The following C10orf90 variants were observed in gnomAD, a reference collection of about 807,000 sequenced individuals.
The protein encoded by C10orf90 is chromosome 10 open reading frame 90, also known as (E2-independent) E3 ubiquitin-conjugating enzyme FATS.
A neutral mutation model predicts 62.5 loss-of-function variants in C10orf90; 56 were observed. That is an observed-to-expected ratio of 0.90 (90% CI 0.72 to 1.12). The LOEUF is 1.12. Among genes scored for constraint, C10orf90 ranks in the 50% most tolerant of loss-of-function variants. The probability of loss-of-function intolerance (pLI) is 0.00; values close to 1 mark genes in which losing one functional copy is unlikely to be tolerated. For missense variants in C10orf90, 970 were observed against 880.4 expected, an observed-to-expected ratio of 1.10 and a Z score of -1.29; for synonymous variants, 386 against 340.4, an observed-to-expected ratio of 1.13 and a Z score of -1.47.
At chr10:126,454,259 A>AGATGTATCCCTATGACTTGCAGG (rs1859392728) in intron 7 of C10orf90, among the ~76,000 whole-genome samples, 2 of 151,510 alleles carry the variant, frequency 1.3e-5, no homozygotes, top group African/African-American at 4.9e-5. Flanking sequence ...TGACTTGCAG[A>AGATGTATCCCTATGACTTGCAGG]AGATGTATCC....
At chr10:126,597,916 T>A (rs1845118189) in intron 2 of C10orf90, among the ~76,000 whole-genome samples, 1 of 152,136 alleles carries the variant, frequency 6.6e-6, no homozygotes, top group Non-Finnish European at 1.5e-5. Flanking sequence ...GACAAGAGAC[T>A]CCCCTACCCA....
In C10orf90 at chr10:126,504,930, G is replaced by A; in HGVS notation, c.561C>T (p.Asn187=). Residue 187 remains asparagine, a synonymous_variant, in exon 4 of 10, where the codon AAC becomes AAT. Coordinates refer to ENST00000488181, the MANE Select transcript of C10orf90 (RefSeq NM_001350921.2). The surrounding 1 kb of genome is among the most constrained non-coding windows in gnomAD (Gnocchi z 4.1). ...RAHHAKQSLA[N]RSGVNIHRAF... ...CTCTGTGAATGTTGACTCCGCTGCG[G>A]TTAGCCAGAGATTGCTTGGCGTGAT... The A allele has an allele frequency of 6.2e-7, 1 of 1,614,250 alleles. No homozygotes were observed. Among genetic ancestry groups the A allele is most frequent in the South Asian group, 1.1e-5 (1 of 91,088 alleles).
chr10:126,604,132 T>C (rs1407260002), intron 2 of C10orf90, among the ~76,000 whole-genome samples: 2 of 152,140 alleles, frequency 1.3e-5, no homozygotes, highest in African/African-American at 4.8e-5. Context: ...ACAGGATGAT[T>C]CCCGCATCAA....
intron 2 of C10orf90, among the ~76,000 whole-genome samples, chr10:126,599,361 A>C (rs1845150554): frequency 7.0e-6 from 1 of 142,912 alleles, no homozygotes; most frequent in East Asian, 2.1e-4. Flanking sequence ...AATTTTTTGT[A>C]TTTTTTTTTT....
intron 4 of C10orf90, among the ~76,000 whole-genome samples, chr10:126,497,742 T>A (rs1293788219): frequency 1.3e-5 from 2 of 152,204 alleles, no homozygotes; most frequent in Non-Finnish European, 1.5e-5. Context: ...CTATAAGGTC[T>A]CTGTCCCAAC....
At chr10:126,648,828 T>A (rs979010406) in intron 1 of C10orf90, among the ~76,000 whole-genome samples, 1 of 152,168 alleles carries the variant, frequency 6.6e-6, no homozygotes, top group South Asian at 2.1e-4. Flanking sequence ...TTAAGAAAGA[T>A]TGTTATGCAT....
At chr10:126,571,934 A>G (rs1438808456) in intron 2 of C10orf90, among the ~76,000 whole-genome samples, 1 of 152,166 alleles carries the variant, frequency 6.6e-6, no homozygotes. Context: ...GTCCTCTCAG[A>G]GGAAGTCCCT....
intron 4 of C10orf90, among the ~76,000 whole-genome samples, chr10:126,491,012 C>T (rs72831231): frequency 6.3e-4 from 96 of 152,174 alleles, no homozygotes; most frequent in South Asian, 1.7e-3. Flanking sequence ...GATATATCTC[C>T]GTAAGTAAGC....
At chr10:126,508,874 C>T (rs554974166) in intron 3 of C10orf90, among the ~76,000 whole-genome samples, 6 of 152,266 alleles carry the variant, frequency 3.9e-5, no homozygotes, top group South Asian at 2.1e-4. Flanking sequence ...TTGGCATCAA[C>T]GAGGGGTGTG....
chr10:126,471,082 A>G (rs1590964345), intron 4 of C10orf90, among the ~76,000 whole-genome samples: 1 of 152,296 alleles, frequency 6.6e-6, no homozygotes, highest in Admixed American at 6.5e-5. Flanking sequence ...GAGGAGGCGG[A>G]TAGCAAATGG....
chr10:126,506,408 T>C (rs894513667), intron 3 of C10orf90, among the ~76,000 whole-genome samples: 2 of 152,268 alleles, frequency 1.3e-5, no homozygotes, highest in Non-Finnish European at 2.9e-5. Context: ...AATCCTTGCA[T>C]AGAGCTGCAC....
intron 2 of C10orf90, among the ~76,000 whole-genome samples, chr10:126,515,001 T>C (rs1304893454): frequency 6.6e-6 from 1 of 152,216 alleles, no homozygotes; most frequent in Non-Finnish European, 1.5e-5. Context: ...CAACTGCTAG[T>C]GCAGGTGATG....
chr10:126,511,203 G>A (rs971074367), intron 3 of C10orf90, among the ~76,000 whole-genome samples: 9 of 152,148 alleles, frequency 5.9e-5, no homozygotes, highest in Admixed American at 3.9e-4. Flanking sequence ...AGCAACAAGG[G>A]AAGACAGTTT....
In C10orf90 at chr10:126,435,810, C is replaced by T. The variant is rs571544553; in HGVS notation, c.2189-5960G>A. ...GGGTCTTCTCCTTTATGATTCTAGA[C>T]GTGGTTTACAGCTGTCTGCCTGGCC... On this transcript the variant is annotated intron_variant, in intron 7 of 9. Transcript: ENST00000488181. 6.6e-5 allele frequency among the ~76,000 whole-genome samples: 10 copies of T among 152,180 alleles called. No homozygotes were observed. The East Asian group carries it at 7.7e-4, about 12-fold the overall frequency.
intron 2 of C10orf90, among the ~76,000 whole-genome samples, chr10:126,545,198 C>T (rs769727345): frequency 1.3e-5 from 2 of 152,086 alleles, no homozygotes; most frequent in Non-Finnish European, 2.9e-5. Flanking sequence ...TCTCATCCTC[C>T]GGAGCCAGGT....
intron 2 of C10orf90, among the ~76,000 whole-genome samples, chr10:126,538,937 G>A (rs1864309851): frequency 6.6e-6 from 1 of 152,240 alleles, no homozygotes; most frequent in East Asian, 1.9e-4. Flanking sequence ...ATGTTGAAGT[G>A]AGGCATGCCA....
intron 2 of C10orf90, among the ~76,000 whole-genome samples, chr10:126,602,520 T>G (rs191592550): frequency 5.8e-4 from 89 of 152,254 alleles, no homozygotes; most frequent in Non-Finnish European, 2.9e-5. Flanking sequence ...GAATATTCCC[T>G]GGTGGGCACA....
intron 4 of C10orf90, among the ~76,000 whole-genome samples, chr10:126,493,442 C>G (rs904235540): frequency 6.6e-6 from 1 of 151,512 alleles, no homozygotes; most frequent in African/African-American, 2.4e-5. Flanking sequence ...CTCACTGCAA[C>G]CTCTGCCTCC....
At chr10:126,517,940 G>T (rs1165268172) in intron 2 of C10orf90, among the ~76,000 whole-genome samples, 2 of 148,140 alleles carry the variant, frequency 1.4e-5, no homozygotes, top group Non-Finnish European at 3.0e-5. Flanking sequence ...GGAATACAAA[G>T]GTCAGGACAA....
Sources: gnomAD v4.1 joint callset for allele counts (sites outside exome capture counted in the v4.1 genomes callset) on GRCh38, gnomAD v4.1.1 for gene constraint, Gnocchi (gnomAD v3.1) non-coding constraint, MANE v1.5 for transcripts, NCBI Gene and HGNC (gene_info 2026-07-23, HGNC 2026-07-21) for gene names.